The following E2F7 variants were observed in gnomAD, a reference collection of about 807,000 sequenced individuals.
The protein encoded by E2F7 is transcription factor E2F7.
A neutral mutation model predicts 81.1 loss-of-function variants in E2F7; 35 were observed. The ratio of observed to expected loss-of-function variants is 0.43; its 90% CI spans 0.33 to 0.57. The LOEUF (loss-of-function observed/expected upper bound fraction) is 0.57, where lower values mean the gene tolerates loss of function less well. Ranked by LOEUF, E2F7 falls within the 20% of genes least tolerant of loss-of-function variation. E2F7 has a pLI of 0.04. For synonymous variants in E2F7, 416 were observed against 416.2 expected (o/e 1.00, Z 0.01); for missense variants, 961 against 1,093.7 (o/e 0.88, Z 1.71).
chr12:77,050,529 C>T lies in E2F7; in HGVS notation c.538+47G>A, dbSNP rs771877583. ...TCAGCCTGCCCAAGGAAACCAGTTT[C>T]CCACTGTAACTGGAGACAGACCTCC... On this transcript the variant is annotated intron_variant, in intron 4 of 12. Coordinates refer to ENST00000322886, the MANE Select transcript of E2F7 (RefSeq NM_203394.3). The T allele has an allele frequency of 1.9e-6, 3 of 1,598,306 alleles. No homozygotes were observed. In the African/African-American group the frequency reaches 4.0e-5, roughly 21 times the overall value.
At chr12:77,055,219 C>A (rs1955022280) in intron 3 of E2F7, among the ~76,000 whole-genome samples, 1 of 151,958 alleles carries the variant, frequency 6.6e-6, no homozygotes, top group African/African-American at 2.4e-5. Flanking sequence ...TTCTCTCTTC[C>A]CAATTTCTTC....
intron 11 of E2F7, among the ~76,000 whole-genome samples, chr12:77,027,544 C>G (rs1270253460): frequency 6.6e-6 from 1 of 152,166 alleles, no homozygotes; most frequent in African/African-American, 2.4e-5. Context: ...TGTTCAAGAC[C>G]TCAAAACACT....
At chr12:77,036,544 A>T (rs1592557875) in intron 7 of E2F7, among the ~76,000 whole-genome samples, 1 of 148,682 alleles carries the variant, frequency 6.7e-6, no homozygotes, top group East Asian at 2.0e-4. Context: ...CAAAAAAAAT[A>T]AAATAAATTT....
chr12:77,057,923 G>A (rs190607560), intron 2 of E2F7, among the ~76,000 whole-genome samples: 3 of 152,154 alleles, frequency 2.0e-5, no homozygotes, highest in Non-Finnish European at 2.9e-5. Flanking sequence ...TGAGCAGGGG[G>A]TTACAGTAAG....
chr12:77,064,996 G>A (rs1281561421), intron 1 of E2F7, among the ~76,000 whole-genome samples: 1 of 152,220 alleles, frequency 6.6e-6, no homozygotes, highest in African/African-American at 2.4e-5. Flanking sequence ...GCAAAGAACT[G>A]AGAGGAATTC....
At chr12:77,044,592 C>T in intron 6 of E2F7, 45 bp downstream of exon 6, 1 of 1,591,572 alleles carries the variant, frequency 6.3e-7, no homozygotes, top group Non-Finnish European at 8.6e-7. Context: ...ACATGAAATC[C>T]CACCCTTTAT....
intron 7 of E2F7, among the ~76,000 whole-genome samples, chr12:77,034,358 C>T (rs1048207093): frequency 6.6e-6 from 1 of 152,124 alleles, no homozygotes; most frequent in Non-Finnish European, 1.5e-5. Flanking sequence ...ATTTTAGATG[C>T]TCTATTTGAG....
chr12:77,046,467 T>C, intron 4 of E2F7, 139 bp from the exon 5 acceptor site: 2 of 879,754 alleles, frequency 2.3e-6, no homozygotes, highest in Non-Finnish European at 3.4e-6. Flanking sequence ...GCTCAAGGAA[T>C]TCAACCTGTA....
At chr12:77,046,444 C>G (rs1042367013) in intron 4 of E2F7, 116 bp from the exon 5 acceptor site, 1 of 1,098,832 alleles carries the variant, frequency 9.1e-7, no homozygotes, top group African/African-American at 1.6e-5. Flanking sequence ...AATATAATGC[C>G]CACTGCGTGG....
chr12:77,044,794 T>C lies in E2F7; in HGVS notation c.831A>G (p.Ser277=). 1 of 1,613,398 alleles carries C rather than the reference T, an allele frequency of 6.2e-7. No homozygotes were observed. Among genetic ancestry groups the C allele is most frequent in the Non-Finnish European group, 8.5e-7 (1 of 1,179,810 alleles). The change falls in exon 6 of 13, where the codon TCA becomes TCG. Residue 277 remains serine, a splice_region_variant and synonymous_variant. Transcript: ENST00000322886. The stretch of plus-strand genomic sequence containing the variant: ...ACTTGTCTTTTCTACTGTTTGCAGA[T>C]GCTACACAAGGAATGAAACAAAAGC... The part of the protein sequence containing the change: ...LDFSEPDCPS[S]SANSRKDKSL...
intron 2 of E2F7, among the ~76,000 whole-genome samples, chr12:77,058,907 A>G (rs1955055906): frequency 6.6e-6 from 1 of 152,186 alleles, no homozygotes; most frequent in Admixed American, 6.5e-5. Context: ...GTCAAGAAGC[A>G]AGTTCCACAT....
Position 77,024,328 on chromosome 12 carries a change from G to A in E2F7, c.2566-143C>T, listed in dbSNP as rs1954741174. The A allele has an allele frequency of 4.7e-6, 4 of 854,724 alleles. No individual in the cohort carries two copies. The Admixed American group carries it at 9.3e-5, about 20-fold the overall frequency. 52.9% of individuals were successfully genotyped at this position (854,724 alleles called of 1,614,324 possible). A position where few individuals can be genotyped will look rare whatever the true frequency, so the allele number is the denominator to read the frequency against. ...TTTGCTTTCTTATCACACTTACCCC[G>A]TTTGTCTCCCCTGCTTACCACAACT... On this transcript the variant is annotated intron_variant, in intron 12 of 12. Transcript: ENST00000322886.
At position 77,029,999 on chromosome 12, in the gene E2F7, C is replaced by T. The variant is rs896279501; in HGVS notation, c.1716G>A (p.Glu572=). The T allele has an allele frequency of 1.9e-6, 3 of 1,614,218 alleles. No homozygotes were observed. The highest frequency in any genetic ancestry group is 1.7e-6 in the Non-Finnish European group (2 of 1,180,044). ...GGGCTTCTGAGCTTCTGTCATCCCTCTCTGACCCTGACCCTGACGCTGGTC... is the reference window on the plus strand; with the variant it reads ...GGGCTTCTGAGCTTCTGTCATCCCTTTCTGACCCTGACCCTGACGCTGGTC... ...QEGPASGSGS[E]RDDRSSEAPA... The change falls in exon 10 of 13, where the codon GAG becomes GAA. Residue 572 remains glutamate (E), a synonymous_variant. Transcript: ENST00000322886.
intron 6 of E2F7, among the ~76,000 whole-genome samples, chr12:77,043,751 G>C (rs1407269120): frequency 6.6e-6 from 1 of 152,282 alleles, no homozygotes; most frequent in South Asian, 2.1e-4. Context: ...CAGTGAGAAG[G>C]GGTTGGATGG....
At position 77,064,525 on chromosome 12, in the gene E2F7, G is replaced by C. The variant is rs774911126; in HGVS notation, c.93+18C>G. 9 of 1,600,566 alleles carry C rather than the reference G, an allele frequency of 5.6e-6. No homozygotes were observed. In the South Asian group the frequency reaches 9.9e-5, roughly 18 times the overall value. ...CATCCTTAACATATTAGAAACTAAG[G>C]TGTTTATGTTTGCTTACCTTTTGTG... On this transcript the variant is annotated intron_variant, in intron 2 of 12. Transcript: ENST00000322886.
At chr12:77,038,149 A>G (rs902320457) in intron 7 of E2F7, among the ~76,000 whole-genome samples, 8 of 152,194 alleles carry the variant, frequency 5.3e-5, no homozygotes, top group Admixed American at 3.3e-4. Context: ...TTCAAAATCC[A>G]TTCCACAAAA....
intron 1 of E2F7, 75 bp downstream of exon 1, chr12:77,065,270 G>A (rs1317983510): frequency 6.6e-6 from 1 of 152,358 alleles, no homozygotes; most frequent in Non-Finnish European, 1.5e-5. Flanking sequence ...GGAGTGGCAG[G>A]CTGGCAGCCG....
chr12:77,051,819 A>C (rs1029708731), intron 3 of E2F7, among the ~76,000 whole-genome samples: 1 of 152,192 alleles, frequency 6.6e-6, no homozygotes, highest in African/African-American at 2.4e-5. Flanking sequence ...TAGTCAATGC[A>C]TGAGGACACG....
intron 1 of E2F7, among the ~76,000 whole-genome samples, chr12:77,065,014 A>T (rs994462198): frequency 6.6e-6 from 1 of 152,312 alleles, no homozygotes; most frequent in Non-Finnish European, 1.5e-5. Context: ...TTCGGCTTTG[A>T]GGGGTTTTGA....
Sources: allele counts gnomAD v4.1 joint callset (sites outside exome capture counted in the v4.1 genomes callset), GRCh38; gene constraint gnomAD v4.1.1; transcripts MANE v1.5; gene names NCBI Gene and HGNC (gene_info 2026-07-23, HGNC 2026-07-21).